RPGR: variants seen among roughly 807,000 people sequenced by gnomAD.
The protein encoded by RPGR is X-linked retinitis pigmentosa GTPase regulator.
RPGR carries 10 observed loss-of-function variants against 56.3 expected under a neutral mutation model. The ratio of observed to expected loss-of-function variants is 0.18; its 90% confidence interval spans 0.11 to 0.30. The LOEUF (loss-of-function observed/expected upper bound fraction) is 0.30. Among genes scored for constraint, RPGR ranks in the 10% least tolerant of loss-of-function variants. The pLI is 1.00. For synonymous variants in RPGR, 197 were observed against 212.9 expected (o/e 0.93, Z 0.65); for missense variants, 538 against 590.9 (o/e 0.91, Z 0.93).
chrX:38,288,036 T>C lies in RPGR; in HGVS notation c.1578A>G (p.Gln526=). 4 of 1,205,147 alleles carry C rather than the reference T, an allele frequency of 3.3e-6. No individual in the cohort carries two copies. The highest frequency in any genetic ancestry group is 4.5e-6 in the Non-Finnish European group (4 of 890,263). ...CCTGCGTCAGTTCCCCAATTGTTTG[T>C]TGTTTCTGTAAATTTTTTGAAGTAA... The change falls in exon 14 of 19, where the codon CAA becomes CAG. Residue 526 remains glutamine (Q), a synonymous_variant. Coordinates refer to ENST00000642395, the MANE Select transcript of RPGR (RefSeq NM_000328.3).
intron 7 of RPGR, among the ~76,000 whole-genome samples, chrX:38,310,204 C>T (rs1351146075): frequency 9.0e-6 from 1 of 110,959 alleles, no homozygotes; most frequent in Non-Finnish European, 1.9e-5. Context: ...ATCTCCTGGC[C>T]TCCCAAAATG....
At chrX:38,313,104 CA>C (rs2067752807) in intron 6 of RPGR, among the ~76,000 whole-genome samples, 1 of 111,823 alleles carries the variant, frequency 8.9e-6, no homozygotes, top group Non-Finnish European at 1.9e-5. Context: ...TATCTCTGCA[CA>C]TGTTTTTGTC....
At position 38,274,993 on chromosome X, in the gene RPGR, T is replaced by C. The variant is rs909635207; in HGVS notation, c.2149+96A>G. 11 of 679,831 alleles carry C rather than the reference T, an allele frequency of 1.6e-5. No homozygotes were observed. The East Asian group carries it at 3.0e-4, about 19-fold the overall frequency. The allele number at this position is 679,831 out of a possible 1,213,427, so 56.0% of individuals were successfully genotyped here. A position where few individuals can be genotyped will look rare whatever the true frequency, so the allele number is the denominator to read the frequency against. On this transcript the variant is annotated intron_variant, in intron 17 of 18. Coordinates refer to ENST00000642395, the MANE Select transcript of RPGR (RefSeq NM_000328.3). ...AAATTATAGCATATATGTAAACTTA[T>C]ATGTAAGCTTATAATTACCCAATTA...
chrX:38,284,639 G>C (rs1278999020), intron 15 of RPGR: 1 of 727,495 alleles, frequency 1.4e-6, no homozygotes, highest in Non-Finnish European at 1.6e-6. Context: ...CAACTGTATA[G>C]AAAACTAAAT....
chrX:38,288,278 C>T (rs1395163764), intron 13 of RPGR, among the ~76,000 whole-genome samples: 2 of 111,948 alleles, frequency 1.8e-5, no homozygotes, highest in African/African-American at 3.2e-5. Flanking sequence ...GTTTAATTTT[C>T]GATTCTTACT....
intron 8 of RPGR, chrX:38,303,741 C>T (rs1424189527): frequency 1.0e-5 from 3 of 295,569 alleles, no homozygotes; most frequent in Non-Finnish European, 1.8e-5. Context: ...CTTGCATTTG[C>T]TGATTCCTAG....
Position 38,299,026 on chromosome X carries a change from G to C in RPGR, c.1175C>G (p.Pro392Arg). The change falls in exon 10 of 19, where the codon CCG becomes CGG. Residue 392 changes from proline (P) to arginine (R), a missense_variant. Coordinates refer to ENST00000642395, the MANE Select transcript of RPGR (RefSeq NM_000328.3). Reference sequence around the variant, plus strand: ...ATTTCCTGAGGTTAAACTGCTATACGGCAGAAAAGTCGCCACAGATAAGCA... The same window carrying C: ...ATTTCCTGAGGTTAAACTGCTATACCGCAGAAAAGTCGCCACAGATAAGCA... The C allele has an allele frequency of 8.3e-7, 1 of 1,211,238 alleles. No individual in the cohort carries two copies. The highest frequency in any genetic ancestry group is 1.1e-6 in the Non-Finnish European group (1 of 895,305).
intron 13 of RPGR, among the ~76,000 whole-genome samples, chrX:38,288,494 C>CAGG (rs1013482163): frequency 4.5e-5 from 5 of 111,453 alleles, no homozygotes; most frequent in Non-Finnish European, 9.4e-5. Flanking sequence ...TACCTAAGGT[C>CAGG]AGGAGTTCAA....
intron 13 of RPGR, among the ~76,000 whole-genome samples, chrX:38,290,214 TTA>T (rs2067257158): frequency 8.9e-6 from 1 of 112,046 alleles, no homozygotes; most frequent in Non-Finnish European, 1.9e-5. Flanking sequence ...TAAATATTTT[TTA>T]TAGACTTCTT....
At chrX:38,278,910 T>C (rs188894707) in intron 15 of RPGR, among the ~76,000 whole-genome samples, 1 of 112,213 alleles carries the variant, frequency 8.9e-6, no homozygotes, top group East Asian at 2.8e-4. Context: ...CATGCTATTA[T>C]AAAAAGACAC....
rs202013664 is a variant in RPGR, at chrX:38,287,893, G to A, written c.1721C>T (p.Thr574Met). The A allele has an allele frequency of 1.4e-4, 171 of 1,209,079 alleles. 1 individual carries two copies. The highest frequency in any genetic ancestry group is 8.6e-4 in the African/African-American group (49 of 57,126). The change falls in exon 14 of 19, where the codon ACG becomes ATG. Residue 574 changes from threonine (T) to methionine (M), a missense_variant. By Grantham distance (81) the Thr-to-Met change is moderately conservative (BLOSUM62 -1). Transcript: ENST00000642395. ...CTCATCTGAAAATGCTTCGATAGTC[G>A]TAGCTGGCTGCGTCATGAAAATCCC...
rs1195305467 is a variant in RPGR at position 38,310,754 on chromosome X, C to T, written c.639G>A (p.Val213=). The T allele has an allele frequency of 1.7e-6, 2 of 1,208,725 alleles. No individual in the cohort carries two copies. Among genetic ancestry groups the T allele is most frequent in the Non-Finnish European group, 1.1e-6 (1 of 894,696 alleles). The change falls in exon 7 of 19, where the codon GTG becomes GTA. Residue 213 remains valine (V), a synonymous_variant. Transcript: ENST00000642395. ...ACTTCCCATTCTCAGGTTCTCCAAA[C>T]ACATATAGCTCACCATCTGCTATTG...
intron 15 of RPGR, among the ~76,000 whole-genome samples, chrX:38,280,770 A>G (rs772728030): frequency 7.2e-5 from 8 of 111,421 alleles, no homozygotes; most frequent in Admixed American, 5.7e-4. Context: ...CCTGGCCTCA[A>G]GCAATCCTCC....
rs145091863 is a variant in RPGR, at chrX:38,313,970, C to T, written c.620-3197G>A. Among the ~76,000 whole-genome samples, 699 of 111,625 alleles carry T rather than the reference C, an allele frequency of 6.3e-3. 6 individuals are homozygous for T. Among genetic ancestry groups the T allele is most frequent in the Middle Eastern group, 0.028 (6 of 217 alleles). On this transcript the variant is annotated intron_variant, in intron 6 of 18. Coordinates refer to ENST00000642395, the MANE Select transcript of RPGR (RefSeq NM_000328.3). Reference sequence around the variant, plus strand: ...TGTTTTACCTATAAAGCAGGGGTGTCCAATCTTTTGGCTTCCCTGGGCCAC... The same window carrying T: ...TGTTTTACCTATAAAGCAGGGGTGTTCAATCTTTTGGCTTCCCTGGGCCAC...
At position 38,287,970 on chromosome X, in the gene RPGR, T is replaced by C. The variant is rs768040222; in HGVS notation, c.1644A>G (p.Glu548=). ...TCCCTTCTTTCATTTCTGACATTTC[T>C]TCATATTCATCACTATCATCGTTTT... Residue 548 remains glutamate (E), a synonymous_variant, in exon 14 of 19, where the codon GAA becomes GAG. Transcript: ENST00000642395. The C allele has an allele frequency of 8.3e-7, 1 of 1,209,966 alleles. No homozygotes were observed. The highest frequency in any genetic ancestry group is 1.1e-6 in the Non-Finnish European group (1 of 893,925).
intron 7 of RPGR, among the ~76,000 whole-genome samples, chrX:38,307,374 T>C (rs752939296): frequency 2.1e-4 from 24 of 112,347 alleles, no homozygotes; most frequent in Non-Finnish European, 4.1e-4. Flanking sequence ...CACGGTCATG[T>C]GCAAATATTA....
intron 9 of RPGR, 72 bp downstream of exon 9, chrX:38,301,175 T>G: frequency 2.2e-6 from 2 of 923,606 alleles, no homozygotes; most frequent in Non-Finnish European, 3.0e-6. Context: ...AAATTACTTA[T>G]TTTCTATGAA....
chrX:38,327,194 T>C, intron 1 of RPGR, 146 bp downstream of exon 1: 1 of 540,709 alleles, frequency 1.8e-6, no homozygotes, highest in Non-Finnish European at 2.9e-6. Context: ...CCCTCAGTCA[T>C]TCGCGGGAGC....
chrX:38,299,822 T>G (rs1334944924), intron 9 of RPGR, among the ~76,000 whole-genome samples: 4 of 111,696 alleles, frequency 3.6e-5, no homozygotes, highest in Non-Finnish European at 5.6e-5. Context: ...CATAATACTT[T>G]AAAATTTTAA....
Sources: allele counts gnomAD v4.1 joint callset (sites outside exome capture counted in the v4.1 genomes callset), GRCh38; gene constraint gnomAD v4.1.1; transcripts MANE v1.5; gene names NCBI Gene and HGNC (gene_info 2026-07-23, HGNC 2026-07-21).